The following SORCS3 variants were observed in gnomAD, a reference collection of about 807,000 sequenced individuals.
SORCS3 encodes the protein VPS10 domain-containing receptor SorCS3.
In SORCS3, 57 loss-of-function variants were observed where a neutral mutation model predicts 146.3. That is an observed-to-expected ratio of 0.39 (90% CI 0.31 to 0.49). SORCS3 has a LOEUF of 0.49. Ranked by LOEUF, SORCS3 falls within the 20% of genes least tolerant of loss-of-function variation. The probability of loss-of-function intolerance (pLI) is 0.92; values close to 1 mark genes in which losing one functional copy is unlikely to be tolerated. For synonymous variants in SORCS3, 653 were observed against 618.5 expected (o/e 1.06, Z -0.83); for missense variants, 1,341 against 1,575.5 (o/e 0.85, Z 2.52).
At chr10:105,054,505 T>C (rs1354933951) in intron 5 of SORCS3, among the ~76,000 whole-genome samples, 1 of 151,966 alleles carries the variant, frequency 6.6e-6, no homozygotes, top group Non-Finnish European at 1.5e-5. Flanking sequence ...TATATAACAA[T>C]TTAATCATTT....
chr10:105,200,236 T>C, intron 15 of SORCS3, 120 bp downstream of exon 15: 1 of 742,010 alleles, frequency 1.3e-6, no homozygotes, highest in South Asian at 1.7e-5. Context: ...TCTGAGGATG[T>C]GGGTGTGGAT....
At chr10:105,156,076 A>G (rs1033107585) in intron 9 of SORCS3, among the ~76,000 whole-genome samples, 6 of 152,212 alleles carry the variant, frequency 3.9e-5, no homozygotes, top group Non-Finnish European at 7.3e-5. Flanking sequence ...GAAGTGAGTA[A>G]ACCTCAGTTA....
intron 2 of SORCS3, among the ~76,000 whole-genome samples, chr10:104,887,073 C>T (rs1438027503): frequency 6.6e-6 from 1 of 152,168 alleles, no homozygotes; most frequent in East Asian, 1.9e-4. Flanking sequence ...TGTAGAGTGT[C>T]TCTTTTACAT....
chr10:104,931,540 G>C (rs921938861), intron 3 of SORCS3, among the ~76,000 whole-genome samples: 1 of 152,192 alleles, frequency 6.6e-6, no homozygotes, highest in African/African-American at 2.4e-5. Flanking sequence ...CATCAAAGGA[G>C]AGTCTGAGTC....
At chr10:104,981,815 C>A (rs143891023) in intron 4 of SORCS3, among the ~76,000 whole-genome samples, 4 of 151,984 alleles carry the variant, frequency 2.6e-5, no homozygotes, top group African/African-American at 9.7e-5. Flanking sequence ...TTTTTTTCTG[C>A]GTGAGAGGTA....
intron 2 of SORCS3, among the ~76,000 whole-genome samples, chr10:104,859,620 A>G (rs2018377437): frequency 6.6e-6 from 1 of 152,232 alleles, no homozygotes; most frequent in Non-Finnish European, 1.5e-5. Context: ...CTACCATCAT[A>G]GTGAACAGGC....
At chr10:104,916,029 A>G in intron 3 of SORCS3, 97 bp downstream of exon 3, 1 of 869,746 alleles carries the variant, frequency 1.1e-6, no homozygotes, top group Non-Finnish European at 1.9e-6. Context: ...TCATTGAATC[A>G]TTTACAGAGG....
chr10:104,991,795 G>C (rs1449977785), intron 4 of SORCS3, among the ~76,000 whole-genome samples: 2 of 152,060 alleles, frequency 1.3e-5, no homozygotes. Flanking sequence ...CACTGCACCT[G>C]GCCGATTTCC....
chr10:105,216,929 C>G lies in SORCS3; in HGVS notation c.2548-7C>G. On this transcript the variant is annotated splice_polypyrimidine_tract_variant and splice_region_variant and intron_variant, in intron 18 of 26. Transcript: ENST00000369701. ...TAAATTGACCCGTCTGCTATGCCAT[C>G]TTGCAGGGTGATCTACAAAGGACAA... The G allele has an allele frequency of 6.2e-7, 1 of 1,614,074 alleles. No individual in the cohort carries two copies. The highest frequency in any genetic ancestry group is 8.5e-7 in the Non-Finnish European group (1 of 1,179,978).
chr10:104,792,470 A>G (rs1456464953), intron 1 of SORCS3, among the ~76,000 whole-genome samples: 1 of 152,192 alleles, frequency 6.6e-6, no homozygotes, highest in Non-Finnish European at 1.5e-5. Context: ...AAGCATGTTA[A>G]TGACTTTGTA....
In SORCS3 at chr10:105,105,734, G is replaced by C. The variant is rs145972748; in HGVS notation, c.1212+219G>C. 7.2e-5 allele frequency among the ~76,000 whole-genome samples: 11 copies of C among 152,278 alleles called. No individual in the cohort carries two copies. The East Asian group carries it at 2.1e-3, about 29-fold the overall frequency. ...CATTGGATTGCCATTTTATAGCACAGGAGCTGTCTGAATTGGCTAGTCTTG... is the reference window on the plus strand; with the variant it reads ...CATTGGATTGCCATTTTATAGCACACGAGCTGTCTGAATTGGCTAGTCTTG... On this transcript the variant is annotated intron_variant, in intron 7 of 26. Transcript: ENST00000369701.
intron 7 of SORCS3, among the ~76,000 whole-genome samples, chr10:105,110,155 C>CT (rs572041903): frequency 2.8e-4 from 42 of 150,336 alleles, no homozygotes; most frequent in South Asian, 8.5e-4. Context: ...TGCTTTATTG[C>CT]TTTTTTTTTC....
chr10:105,007,152 A>G (rs1449164716), intron 4 of SORCS3, among the ~76,000 whole-genome samples: 1 of 152,228 alleles, frequency 6.6e-6, no homozygotes, highest in Admixed American at 6.5e-5. Context: ...ACTTCCTTTC[A>G]TCCTGAAGTT....
chr10:105,122,061 C>A (rs1444704919), intron 7 of SORCS3, among the ~76,000 whole-genome samples: 2 of 152,106 alleles, frequency 1.3e-5, no homozygotes, highest in African/African-American at 4.8e-5. Context: ...CTGCTAAGCC[C>A]AGCTCCCTGG....
At position 104,699,649 on chromosome 10, in the gene SORCS3, T is replaced by C. The variant is rs564513100; in HGVS notation, c.627+57695T>C. 7.2e-4 allele frequency among the ~76,000 whole-genome samples: 110 copies of C among 152,230 alleles called. 1 individual carries two copies. Among genetic ancestry groups the C allele is most frequent in the Middle Eastern group, 3.4e-3 (1 of 294 alleles). ...TTTGGGAAAGAGTAGACCAGCTTTT[T>C]TGAAGAGCCGGGTCCTTGTGGGATA... On this transcript the variant is annotated intron_variant, in intron 1 of 26. Transcript: ENST00000369701.
chr10:105,099,112 C>G lies in SORCS3; in HGVS notation c.1094-6285C>G, dbSNP rs570240777. ...GTATTTGCAGCAATATTACTTCCTT[C>G]CTTGTCTTTACAGATAGGTTAGTTG... On this transcript the variant is annotated intron_variant, in intron 6 of 26. Coordinates refer to ENST00000369701, the MANE Select transcript of SORCS3 (RefSeq NM_014978.3). 6.6e-5 allele frequency among the ~76,000 whole-genome samples: 10 copies of G among 152,260 alleles called. No homozygotes were observed. In the South Asian group the frequency reaches 1.9e-3, roughly 28 times the overall value.
At chr10:105,157,337 A>C in intron 10 of SORCS3, 53 bp downstream of exon 10, 9 of 1,602,956 alleles carry the variant, frequency 5.6e-6, no homozygotes, top group Non-Finnish European at 7.7e-6. Flanking sequence ...CCACCTGCAG[A>C]AGCTGTGTCG....
chr10:105,037,356 A>C (rs1387232160), intron 4 of SORCS3, among the ~76,000 whole-genome samples: 1 of 152,196 alleles, frequency 6.6e-6, no homozygotes, highest in East Asian at 1.9e-4. Context: ...AGCTGCTGTG[A>C]CAAAGCCCCA....
At chr10:105,107,246 G>T (rs146854799) in intron 7 of SORCS3, among the ~76,000 whole-genome samples, 1 of 151,730 alleles carries the variant, frequency 6.6e-6, no homozygotes, top group African/African-American at 2.4e-5. Flanking sequence ...GATTTCTGTA[G>T]TGTTTCCTTT....
Sources: allele counts gnomAD v4.1 joint callset (sites outside exome capture counted in the v4.1 genomes callset), GRCh38; gene constraint gnomAD v4.1.1; transcripts MANE v1.5; gene names NCBI Gene and HGNC (gene_info 2026-07-23, HGNC 2026-07-21).